Variants in DYNC1I1 observed in about 807,000 individuals in gnomAD.
DYNC1I1 encodes dynein cytoplasmic 1 intermediate chain 1, also known as cytoplasmic dynein 1 intermediate chain 1.
In DYNC1I1, 43 loss-of-function variants were observed where a neutral mutation model predicts 86.6. The observed-to-expected ratio is 0.50, with a 90% CI of 0.39 to 0.64. The LOEUF (loss-of-function observed/expected upper bound fraction) is 0.64. Among genes scored for constraint, DYNC1I1 ranks in the 30% least tolerant of loss-of-function variants. The probability of loss-of-function intolerance (pLI) is 0.00; values close to 1 mark genes in which losing one functional copy is unlikely to be tolerated. For missense variants in DYNC1I1, 604 were observed against 788.8 expected (o/e 0.77, Z 2.81); for synonymous variants, 262 against 283.7 (o/e 0.92, Z 0.77).
At chr7:95,891,916 T>A (rs1790749680) in intron 6 of DYNC1I1, among the ~76,000 whole-genome samples, 1 of 152,116 alleles carries the variant, frequency 6.6e-6, no homozygotes, top group Non-Finnish European at 1.5e-5. Flanking sequence ...GTGGTTATTG[T>A]CCCCTACACA....
intron 16 of DYNC1I1, among the ~76,000 whole-genome samples, chr7:96,103,614 A>ATT (rs753097738): frequency 6.3e-5 from 9 of 143,292 alleles, no homozygotes; most frequent in South Asian, 2.2e-4. Flanking sequence ...CTCTATATGG[A>ATT]TTTTTTTTTT....
intron 6 of DYNC1I1, among the ~76,000 whole-genome samples, chr7:95,894,402 A>G (rs144250950): frequency 2.0e-4 from 30 of 151,474 alleles, no homozygotes; most frequent in African/African-American, 6.1e-4. Context: ...GTTATCTCCC[A>G]AAGGACCTAC....
At chr7:95,810,654 T>C (rs917531688) in intron 3 of DYNC1I1, 148 bp downstream of exon 3, 9 of 672,646 alleles carry the variant, frequency 1.3e-5, no homozygotes, top group Non-Finnish European at 1.8e-5. Context: ...AGGTTGCATG[T>C]GTTTTTGGAA....
chr7:95,861,423 A>G (rs777527640), intron 5 of DYNC1I1, among the ~76,000 whole-genome samples: 13 of 152,200 alleles, frequency 8.5e-5, no homozygotes, highest in Non-Finnish European at 1.6e-4. Flanking sequence ...TTGCAGCTTT[A>G]CCTTCCAATA....
intron 6 of DYNC1I1, among the ~76,000 whole-genome samples, chr7:95,870,409 G>C (rs2116168748): frequency 6.6e-6 from 1 of 152,328 alleles, no homozygotes; most frequent in African/African-American, 2.4e-5. Flanking sequence ...CTAGAAATAA[G>C]GTGTTGTTGG....
At chr7:95,811,708 TG>T (rs1794834382) in intron 3 of DYNC1I1, among the ~76,000 whole-genome samples, 1 of 152,158 alleles carries the variant, frequency 6.6e-6, no homozygotes, top group Non-Finnish European at 1.5e-5. Context: ...AATTTCTTCA[TG>T]TTGTGGAAGA....
chr7:95,884,181 A>G (rs1210068023), intron 6 of DYNC1I1, among the ~76,000 whole-genome samples: 1 of 152,196 alleles, frequency 6.6e-6, no homozygotes, highest in Non-Finnish European at 1.5e-5. Flanking sequence ...TAAGTACACA[A>G]CAAAATGTCT....
rs189921482 is a variant in DYNC1I1, at chr7:95,858,299, G to A, written c.375-11584G>A. On this transcript the variant is annotated intron_variant, in intron 5 of 16. Transcript: ENST00000447467. ...AGTGGATTTTGTATGCTTAGGGGCC[G>A]TGATGAACAAAATAACTTGAGATTA... 6.9e-3 allele frequency among the ~76,000 whole-genome samples: 1,044 copies of A among 152,166 alleles called. 6 individuals carry two copies. Among genetic ancestry groups the A allele is most frequent in the Admixed American group, 0.01 (157 of 15,270 alleles).
In DYNC1I1 at chr7:96,098,034, T is replaced by A. The variant is rs942786122; in HGVS notation, c.*441T>A. ...ACTTGAGACGTGGTGTTTTACATGG[T>A]GACTCACATTATGAATGGATTTACT... On this transcript the variant is annotated 3_prime_UTR_variant, in exon 17 of 17. Transcript: ENST00000447467. 35 of 990,126 alleles carry A rather than the reference T, an allele frequency of 3.5e-5. No individual in the cohort carries two copies. The highest frequency in any genetic ancestry group is 4.0e-5 in the Non-Finnish European group (33 of 832,540). The allele number at this position is 990,126 out of a possible 1,614,324, so 61.3% of individuals were successfully genotyped here.
chr7:95,802,961 CT>C (rs1026844740), intron 1 of DYNC1I1, among the ~76,000 whole-genome samples: 1 of 152,132 alleles, frequency 6.6e-6, no homozygotes, highest in African/African-American at 2.4e-5. Context: ...CCAATTTTAC[CT>C]ATTCCTCAAT....
At chr7:95,951,468 A>G (rs1317543793) in intron 6 of DYNC1I1, among the ~76,000 whole-genome samples, 1 of 151,892 alleles carries the variant, frequency 6.6e-6, no homozygotes, top group African/African-American at 2.4e-5. Flanking sequence ...GTTTTTTGGG[A>G]CCTGAGAAGG....
At chr7:96,081,914 TAAA>T (rs76056611) in intron 16 of DYNC1I1, among the ~76,000 whole-genome samples, 1 of 151,412 alleles carries the variant, frequency 6.6e-6, no homozygotes, top group Non-Finnish European at 1.5e-5. Flanking sequence ...TAATTCTAAG[TAAA>T]AAAAAAAAAT....
intron 5 of DYNC1I1, among the ~76,000 whole-genome samples, chr7:95,859,965 G>A (rs542147335): frequency 2.2e-4 from 33 of 152,230 alleles, no homozygotes; most frequent in African/African-American, 6.3e-4. Flanking sequence ...TGGTGATGTG[G>A]GTAATATAAA....
rs377147963 is a variant in DYNC1I1, at chr7:96,066,730, A to C, written c.1510-9327A>C. 6.6e-5 allele frequency among the ~76,000 whole-genome samples: 10 copies of C among 152,218 alleles called. No individual in the cohort carries two copies. In the East Asian group the frequency reaches 1.2e-3, roughly 18 times the overall value. On this transcript the variant is annotated intron_variant, in intron 14 of 16. Coordinates refer to ENST00000447467, the MANE Select transcript of DYNC1I1 (RefSeq NM_001135556.2). ...GAACTCTGTTGTGTGTTTGTTCTTA[A>C]TTTTGCAGTATATTTAACTTGTAAG...
rs529867695 is a variant in DYNC1I1 at position 96,004,990 on chromosome 7, A to G, written c.969+8917A>G. 2.0e-5 allele frequency among the ~76,000 whole-genome samples: 3 copies of G among 152,348 alleles called. No homozygotes were observed. The East Asian group carries it at 5.8e-4, about 29-fold the overall frequency. On this transcript the variant is annotated intron_variant, in intron 10 of 16. Transcript: ENST00000447467. ...GGAGAGGTTGGTATGTGATGTGTTG[A>G]TTTTTAAATTATCTAATTGAAATAA...
At chr7:96,108,898 A>C (rs1258890878) in intron 16 of DYNC1I1, among the ~76,000 whole-genome samples, 1 of 151,668 alleles carries the variant, frequency 6.6e-6, no homozygotes, top group East Asian at 1.9e-4. Flanking sequence ...CTAAGAATTC[A>C]AGTAGTTAAA....
chr7:95,868,543 A>G (rs1283721011), intron 5 of DYNC1I1, among the ~76,000 whole-genome samples: 2 of 151,164 alleles, frequency 1.3e-5, no homozygotes, highest in East Asian at 1.9e-4. Context: ...TTTTGGCTAA[A>G]TGGGTAGTAT....
chr7:96,047,973 A>T (rs373132812), intron 14 of DYNC1I1, among the ~76,000 whole-genome samples: 1 of 152,136 alleles, frequency 6.6e-6, no homozygotes, highest in African/African-American at 2.4e-5. Flanking sequence ...TGGCAAGACT[A>T]AAAAAAGGCT....
intron 10 of DYNC1I1, among the ~76,000 whole-genome samples, chr7:95,997,699 G>A (rs951020157): frequency 1.3e-5 from 2 of 150,340 alleles, no homozygotes; most frequent in African/African-American, 4.9e-5. Context: ...TCCAATATAT[G>A]TCATTGAGAA....
Sources: allele counts gnomAD v4.1 joint callset (sites outside exome capture counted in the v4.1 genomes callset), GRCh38; gene constraint gnomAD v4.1.1; transcripts MANE v1.5; gene names NCBI Gene and HGNC (gene_info 2026-07-23, HGNC 2026-07-21).